Variants in TOMM20 observed in about 807,000 individuals in gnomAD.
TOMM20 encodes the protein translocase of outer mitochondrial membrane 20.
TOMM20 carries 10 observed loss-of-function variants against 22.1 expected under a neutral mutation model. That is an observed-to-expected ratio of 0.45 (90% CI 0.28 to 0.77). TOMM20 has a LOEUF of 0.77. Ranked by LOEUF, TOMM20 falls within the 30% of genes least tolerant of loss-of-function variation. TOMM20 has a pLI of 0.13. For synonymous variants in TOMM20, 55 were observed against 61.4 expected, an observed-to-expected ratio of 0.90 and a Z score of 0.49; for missense variants, 121 against 172.2, an observed-to-expected ratio of 0.70 and a Z score of 1.66.
rs1281245934 is a variant in TOMM20 at position 235,110,441 on chromosome 1, T to C, written c.*1623A>G. On this transcript the variant is annotated 3_prime_UTR_variant, in exon 5 of 5. Transcript: ENST00000366607. ...CACTGCTTTGGATTTGGGATCCCAC[T>C]AGTAAAACTAACTGGCATGTCTGTA... 1.3e-5 allele frequency: 2 copies of C among 152,212 alleles called. No individual in the cohort carries two copies. Among genetic ancestry groups the C allele is most frequent in the Non-Finnish European group, 2.9e-5 (2 of 68,112 alleles). The allele number at this position is 152,212 out of a possible 1,614,324, so 9.4% of individuals were successfully genotyped here. A position where few individuals can be genotyped will look rare whatever the true frequency, so the allele number is the denominator to read the frequency against.
At chr1:235,120,614 C>CT (rs1558129580) in intron 2 of TOMM20, among the ~76,000 whole-genome samples, 1 of 151,830 alleles carries the variant, frequency 6.6e-6, no homozygotes, top group Non-Finnish European at 1.5e-5. Flanking sequence ...GGGTCTCACT[C>CT]TGTCGCCCAG....
At chr1:235,126,010 C>G (rs184315853) in intron 1 of TOMM20, among the ~76,000 whole-genome samples, 3 of 151,826 alleles carry the variant, frequency 2.0e-5, no homozygotes, top group African/African-American at 7.3e-5. Flanking sequence ...CCCACCTTGG[C>G]CTCCCAAAGT....
chr1:235,112,675 T>G (rs980665538), intron 4 of TOMM20, among the ~76,000 whole-genome samples: 2 of 152,148 alleles, frequency 1.3e-5, no homozygotes, highest in Non-Finnish European at 2.9e-5. Flanking sequence ...CAAAAAGATT[T>G]TAAGATCTCT....
At chr1:235,126,963 G>A (rs1280836555) in intron 1 of TOMM20, among the ~76,000 whole-genome samples, 24 of 152,278 alleles carry the variant, frequency 1.6e-4, no homozygotes, top group Admixed American at 1.6e-3. Flanking sequence ...TAATCATTAG[G>A]TTGCCGCTAA....
intron 3 of TOMM20, among the ~76,000 whole-genome samples, chr1:235,118,231 T>C (rs932190119): frequency 1.3e-5 from 2 of 152,246 alleles, no homozygotes; most frequent in African/African-American, 4.8e-5. Context: ...CAACTTTTGC[T>C]GACTGGATAG....
In TOMM20 at chr1:235,110,324, C is replaced by G. The variant is rs1238635719; in HGVS notation, c.*1740G>C. The G allele has an allele frequency of 6.6e-6, 1 of 152,284 alleles. No individual in the cohort carries two copies. Among genetic ancestry groups the G allele is most frequent in the Non-Finnish European group, 1.5e-5 (1 of 68,142 alleles). 9.4% of individuals were successfully genotyped at this position (152,284 alleles called of 1,614,324 possible). A position where few individuals can be genotyped will look rare whatever the true frequency, so the allele number is the denominator to read the frequency against. ...TCTGCCCCTTGCTCCCTTTCCCACCCCTGTTCTCCCTCTAACTGCCCCTCT... is the reference window on the plus strand; with the variant it reads ...TCTGCCCCTTGCTCCCTTTCCCACCGCTGTTCTCCCTCTAACTGCCCCTCT... On this transcript the variant is annotated 3_prime_UTR_variant, in exon 5 of 5. Coordinates refer to ENST00000366607, the MANE Select transcript of TOMM20 (RefSeq NM_014765.3).
At chr1:235,127,730 G>C (rs1037384867) in intron 1 of TOMM20, 1 of 378,060 alleles carries the variant, frequency 2.6e-6, no homozygotes, top group African/African-American at 2.1e-5. Flanking sequence ...TGCGAATGAA[G>C]ATTCTCCGAA....
rs1048012005 is a variant in TOMM20, at chr1:235,113,636, A to G, written c.393+132T>C. On this transcript the variant is annotated intron_variant, in intron 4 of 4. Coordinates refer to ENST00000366607, the MANE Select transcript of TOMM20 (RefSeq NM_014765.3). ...CCAGAGAGGAAAATGTCAAGCGCTG[A>G]TATCTCCCATATTGTTTTCATTATA... 3.1e-5 allele frequency: 36 copies of G among 1,164,326 alleles called. No homozygotes were observed. The African/African-American group carries it at 5.0e-4, about 16-fold the overall frequency. The allele number at this position is 1,164,326 out of a possible 1,614,324, so 72.1% of individuals were successfully genotyped here. A position where few individuals can be genotyped will look rare whatever the true frequency, so the allele number is the denominator to read the frequency against.
intron 3 of TOMM20, among the ~76,000 whole-genome samples, chr1:235,117,390 A>G (rs6429024): frequency 0.67 from 100,320 of 149,608 alleles, 34,030 homozygotes; most frequent in African/African-American, 0.7. Context: ...CCCGGGAGGC[A>G]GAGGTTGCAG....
intron 4 of TOMM20, among the ~76,000 whole-genome samples, chr1:235,113,323 C>CT (rs1470801891): frequency 5.3e-5 from 8 of 152,304 alleles, no homozygotes; most frequent in African/African-American, 1.4e-4. Context: ...AGGCATGAGC[C>CT]TTTACACAAG....
chr1:235,127,806 T>C (rs1165709815), intron 1 of TOMM20: 3 of 517,834 alleles, frequency 5.8e-6, no homozygotes, highest in Non-Finnish European at 1.2e-5. Context: ...TCTTAAAAGA[T>C]GTCGCAGGTA....
intron 3 of TOMM20, among the ~76,000 whole-genome samples, chr1:235,114,599 G>A (rs1020640877): frequency 4.0e-5 from 6 of 151,804 alleles, no homozygotes; most frequent in Admixed American, 1.3e-4. Context: ...CACCACGCCC[G>A]GCTAATTTTT....
chr1:235,119,995 A>G, intron 2 of TOMM20, 96 bp from the exon 3 acceptor site: 1 of 683,624 alleles, frequency 1.5e-6, no homozygotes, highest in Non-Finnish European at 2.3e-6. Context: ...AAAAAACCAA[A>G]TCACTCATTC....
In TOMM20 at chr1:235,128,582, A is replaced by C; in HGVS notation, c.121+13T>G. ...GGCAGCAAGCCTGGCCAGGGGAGAG[A>C]GGACCCACTCACGTTCTCGAAGCCT... On this transcript the variant is annotated intron_variant, in intron 1 of 4. Transcript: ENST00000366607. The C allele has an allele frequency of 5.0e-6, 8 of 1,611,978 alleles. No individual in the cohort carries two copies. The highest frequency in any genetic ancestry group is 6.8e-6 in the Non-Finnish European group (8 of 1,179,818).
chr1:235,116,857 T>C (rs535372541), intron 3 of TOMM20, among the ~76,000 whole-genome samples: 174 of 152,172 alleles, frequency 1.1e-3, no homozygotes, highest in East Asian at 2.7e-3. Flanking sequence ...AGAATGGGGC[T>C]GGGCACGCTG....
intron 3 of TOMM20, among the ~76,000 whole-genome samples, chr1:235,117,742 G>T (rs917307652): frequency 6.6e-6 from 1 of 152,078 alleles, no homozygotes; most frequent in Admixed American, 6.6e-5. Flanking sequence ...ACTACTGCGG[G>T]GTATCTGATG....
chr1:235,124,162 T>TA (rs1660975864), intron 1 of TOMM20, among the ~76,000 whole-genome samples: 1 of 152,182 alleles, frequency 6.6e-6, no homozygotes, highest in African/African-American at 2.4e-5. Flanking sequence ...GCCTGGTTGA[T>TA]ACGGTGAAAC....
chr1:235,119,567 G>A (rs936999143), intron 3 of TOMM20, among the ~76,000 whole-genome samples: 3 of 152,134 alleles, frequency 2.0e-5, no homozygotes, highest in Non-Finnish European at 4.4e-5. Flanking sequence ...TACATCATAT[G>A]ATATAGCAAG....
chr1:235,126,056 G>A (rs1002641386), intron 1 of TOMM20, among the ~76,000 whole-genome samples: 11 of 149,640 alleles, frequency 7.4e-5, no homozygotes, highest in African/African-American at 2.5e-4. Flanking sequence ...GCGCCTGGTC[G>A]ATAGATTAGA....
Sources: allele counts gnomAD v4.1 joint callset (sites outside exome capture counted in the v4.1 genomes callset), GRCh38; gene constraint gnomAD v4.1.1; transcripts MANE v1.5; gene names NCBI Gene and HGNC (gene_info 2026-07-23, HGNC 2026-07-21).